Variants in TAFA5 observed in about 807,000 individuals in gnomAD.
The protein encoded by TAFA5 is TAFA chemokine like family member 5, also known as chemokine-like protein TAFA-5.
In TAFA5, 6 loss-of-function variants were observed where a neutral mutation model predicts 15.3. The ratio of observed to expected loss-of-function variants is 0.39; its 90% CI spans 0.21 to 0.77. The LOEUF is 0.77. Ranked by LOEUF, TAFA5 falls within the 30% of genes least tolerant of loss-of-function variation. TAFA5 has a pLI of 0.41. For synonymous variants in TAFA5, 103 were observed against 80.7 expected (o/e 1.28, Z -1.48); for missense variants, 161 against 193.1 (o/e 0.83, Z 0.98).
At chr22:48,525,023 AG>A (rs1270573998) in intron 1 of TAFA5, among the ~76,000 whole-genome samples, 2 of 151,930 alleles carry the variant, frequency 1.3e-5, no homozygotes, top group African/African-American at 4.8e-5. Context: ...CCCTGCCCTC[AG>A]CTTTTGTTCT....
chr22:48,595,248 C>G (rs998627543), intron 1 of TAFA5, among the ~76,000 whole-genome samples: 2 of 152,188 alleles, frequency 1.3e-5, no homozygotes, highest in Non-Finnish European at 2.9e-5. Flanking sequence ...GGAGGAGGCA[C>G]CACCACCACC....
chr22:48,564,071 A>C (rs1923328517), intron 1 of TAFA5, among the ~76,000 whole-genome samples: 1 of 152,258 alleles, frequency 6.6e-6, no homozygotes, highest in Non-Finnish European at 1.5e-5. Flanking sequence ...TGATGTGTGC[A>C]GGAAGTGAGG....
At chr22:48,718,470 G>C (rs930841542) in intron 3 of TAFA5, among the ~76,000 whole-genome samples, 1 of 152,142 alleles carries the variant, frequency 6.6e-6, no homozygotes, top group African/African-American at 2.4e-5. Context: ...CAGGGAGGGA[G>C]GACATGGGCC....
intron 1 of TAFA5, among the ~76,000 whole-genome samples, chr22:48,523,045 C>T (rs919374427): frequency 4.9e-4 from 74 of 152,324 alleles, no homozygotes; most frequent in Middle Eastern, 3.4e-3. Context: ...AGACCCAGAG[C>T]CCATGGGTCA....
intron 2 of TAFA5, among the ~76,000 whole-genome samples, chr22:48,694,427 G>A (rs1019066325): frequency 1.3e-5 from 2 of 152,138 alleles, no homozygotes; most frequent in Admixed American, 1.3e-4. Context: ...CTGACGTTTC[G>A]AGTGGGGCCC....
At chr22:48,727,520 C>G (rs1929748599) in intron 3 of TAFA5, among the ~76,000 whole-genome samples, 1 of 151,974 alleles carries the variant, frequency 6.6e-6, no homozygotes, top group Non-Finnish European at 1.5e-5. Context: ...GACACTTGTG[C>G]ATGTATGTAA....
At chr22:48,611,071 T>G (rs1268511976) in intron 1 of TAFA5, among the ~76,000 whole-genome samples, 1 of 152,062 alleles carries the variant, frequency 6.6e-6, no homozygotes, top group East Asian at 1.9e-4. Flanking sequence ...GTAGCTGGGA[T>G]TACAGGTGCG....
intron 1 of TAFA5, among the ~76,000 whole-genome samples, chr22:48,637,518 T>C (rs934346626): frequency 6.6e-6 from 1 of 152,212 alleles, no homozygotes; most frequent in African/African-American, 2.4e-5. Flanking sequence ...AGTAACATCC[T>C]AATTGATGTG....
chr22:48,626,891 C>A (rs777504011), intron 1 of TAFA5, among the ~76,000 whole-genome samples: 24 of 152,162 alleles, frequency 1.6e-4, no homozygotes, highest in South Asian at 2.1e-4. Context: ...GTTTAGATAC[C>A]ATTTTTCCTT....
intron 2 of TAFA5, among the ~76,000 whole-genome samples, chr22:48,692,285 G>T (rs738690): frequency 0.22 from 33,450 of 152,174 alleles, 4,024 homozygotes; most frequent in South Asian, 0.34. Flanking sequence ...CTGAGAGTCA[G>T]GGGTCCGCTG....
intron 1 of TAFA5, among the ~76,000 whole-genome samples, chr22:48,514,179 G>A (rs1229433678): frequency 2.6e-5 from 4 of 152,108 alleles, no homozygotes; most frequent in East Asian, 1.9e-4. Context: ...GAGTGGGCTC[G>A]GGATGAAATG....
chr22:48,570,326 A>C (rs1252868178), intron 1 of TAFA5, among the ~76,000 whole-genome samples: 2 of 152,214 alleles, frequency 1.3e-5, no homozygotes, highest in African/African-American at 4.8e-5. Context: ...AACACAATTT[A>C]TCTACATTGT....
intron 1 of TAFA5, among the ~76,000 whole-genome samples, chr22:48,523,494 C>T (rs1255822495): frequency 6.6e-6 from 1 of 152,236 alleles, no homozygotes; most frequent in African/African-American, 2.4e-5. Flanking sequence ...AACGTTGGGC[C>T]TCTGCTTCTG....
chr22:48,662,791 C>T (rs1379360072), intron 2 of TAFA5, among the ~76,000 whole-genome samples: 1 of 152,218 alleles, frequency 6.6e-6, no homozygotes, highest in African/African-American at 2.4e-5. Context: ...GGGCCCTAGG[C>T]GATGGGCACC....
intron 1 of TAFA5, among the ~76,000 whole-genome samples, chr22:48,535,957 G>A (rs573009190): frequency 1.2e-4 from 19 of 152,216 alleles, no homozygotes; most frequent in Non-Finnish European, 2.5e-4. Flanking sequence ...ACACACATTT[G>A]CACAGGCACG....
At chr22:48,693,369 CG>C (rs1569081939) in intron 2 of TAFA5, 1 of 1,612,586 alleles carries the variant, frequency 6.2e-7, no homozygotes, top group South Asian at 1.1e-5. Flanking sequence ...GTACCACCAC[CG>C]GGAATGGCCA....
chr22:48,569,396 TG>T (rs1218646478), intron 1 of TAFA5, among the ~76,000 whole-genome samples: 3 of 152,154 alleles, frequency 2.0e-5, no homozygotes, highest in African/African-American at 7.2e-5. Context: ...ACCGTGTGTT[TG>T]GGGTGTCTCC....
intron 2 of TAFA5, among the ~76,000 whole-genome samples, chr22:48,651,142 A>G (rs1163959979): frequency 6.6e-6 from 1 of 152,244 alleles, no homozygotes; most frequent in African/African-American, 2.4e-5. Context: ...CAGGAAATCA[A>G]AGACTGCAGC....
chr22:48,564,599 G>A (rs1448494046), intron 1 of TAFA5, among the ~76,000 whole-genome samples: 1 of 152,230 alleles, frequency 6.6e-6, no homozygotes, highest in African/African-American at 2.4e-5. Context: ...TTCTTCCCAA[G>A]GGTGAGGGGT....
Sources: allele counts gnomAD v4.1 joint callset (sites outside exome capture counted in the v4.1 genomes callset), GRCh38; gene constraint gnomAD v4.1.1; transcripts MANE v1.5; gene names NCBI Gene and HGNC (gene_info 2026-07-23, HGNC 2026-07-21).